The following MACROD2 variants were observed in gnomAD, a reference collection of about 807,000 sequenced individuals.
MACROD2 encodes the protein mono-ADP ribosylhydrolase 2, also known as ADP-ribose glycohydrolase MACROD2.
A neutral mutation model predicts 70.4 loss-of-function variants in MACROD2; 36 were observed. That is an observed-to-expected ratio of 0.51 (90% CI 0.39 to 0.68). The LOEUF (loss-of-function observed/expected upper bound fraction) is 0.68. MACROD2 is among the 30% of genes least tolerant of loss of function. The pLI is 0.00. For missense variants in MACROD2, 496 were observed against 538.4 expected, an observed-to-expected ratio of 0.92 and a Z score of 0.78; for synonymous variants, 172 against 178.8, an observed-to-expected ratio of 0.96 and a Z score of 0.30.
At chr20:15,450,749 C>T (rs2046629865) in intron 7 of MACROD2, among the ~76,000 whole-genome samples, 1 of 152,146 alleles carries the variant, frequency 6.6e-6, no homozygotes, top group African/African-American at 2.4e-5. Flanking sequence ...CTGTTCCACC[C>T]ATTCCCACCC....
At chr20:15,147,372 A>G (rs189760607) in intron 5 of MACROD2, among the ~76,000 whole-genome samples, 2 of 152,158 alleles carry the variant, frequency 1.3e-5, no homozygotes, top group East Asian at 3.9e-4. Context: ...AAATATGGGG[A>G]AACATTATTT....
chr20:14,720,852 A>G (rs916014618), intron 5 of MACROD2, among the ~76,000 whole-genome samples: 1 of 151,926 alleles, frequency 6.6e-6, no homozygotes, highest in Non-Finnish European at 1.5e-5. Flanking sequence ...GCTCCCGCCC[A>G]CAAAACTTCT....
chr20:14,186,995 G>A (rs2081350180), intron 3 of MACROD2, among the ~76,000 whole-genome samples: 1 of 152,074 alleles, frequency 6.6e-6, no homozygotes, highest in African/African-American at 2.4e-5. Context: ...AAAACTACCG[G>A]AAGGGTACTG....
At chr20:15,058,731 A>T (rs1254794703) in intron 5 of MACROD2, among the ~76,000 whole-genome samples, 2 of 152,228 alleles carry the variant, frequency 1.3e-5, no homozygotes, top group Non-Finnish European at 2.9e-5. Context: ...AGAGCAACTG[A>T]ATATGTTATA....
At chr20:14,727,314 T>C (rs1056041453) in intron 5 of MACROD2, among the ~76,000 whole-genome samples, 1 of 152,094 alleles carries the variant, frequency 6.6e-6, no homozygotes, top group African/African-American at 2.4e-5. Context: ...ATTGATCACT[T>C]GAGCCCAGGA....
intron 5 of MACROD2, among the ~76,000 whole-genome samples, chr20:15,088,821 T>C (rs937927595): frequency 6.6e-5 from 10 of 151,908 alleles, no homozygotes; most frequent in Non-Finnish European, 8.8e-5. Context: ...CCATGCCAAA[T>C]TGCCAATTTT....
intron 8 of MACROD2, among the ~76,000 whole-genome samples, chr20:15,541,736 A>G (rs572645338): frequency 3.9e-5 from 6 of 152,352 alleles, no homozygotes; most frequent in Middle Eastern, 3.4e-3. Flanking sequence ...TGCCCAATAT[A>G]CATAGGACCT....
At chr20:14,378,628 G>C (rs1224231897) in intron 3 of MACROD2, among the ~76,000 whole-genome samples, 1 of 152,208 alleles carries the variant, frequency 6.6e-6, no homozygotes, top group Non-Finnish European at 1.5e-5. Flanking sequence ...GGTAATAAAA[G>C]AGAGTTGTAT....
intron 5 of MACROD2, among the ~76,000 whole-genome samples, chr20:15,110,725 C>G (rs779949231): frequency 3.3e-5 from 5 of 152,150 alleles, no homozygotes; most frequent in Non-Finnish European, 7.4e-5. Flanking sequence ...AGGGACTATG[C>G]GTGTCTCTGA....
intron 5 of MACROD2, among the ~76,000 whole-genome samples, chr20:14,881,819 A>G (rs989154336): frequency 1.3e-5 from 2 of 152,130 alleles, no homozygotes; most frequent in African/African-American, 4.8e-5. Context: ...GACCAGGGGA[A>G]GTTCCTGGAA....
At chr20:14,258,438 G>A (rs775801588) in intron 3 of MACROD2, among the ~76,000 whole-genome samples, 3 of 151,906 alleles carry the variant, frequency 2.0e-5, no homozygotes, top group Admixed American at 6.6e-5. Flanking sequence ...ATCTCATTGT[G>A]GTTTTAATTT....
intron 5 of MACROD2, among the ~76,000 whole-genome samples, chr20:15,045,443 G>C (rs1323675760): frequency 2.6e-5 from 4 of 152,150 alleles, no homozygotes; most frequent in East Asian, 1.9e-4. Context: ...TTTGAGGCCC[G>C]GGGGAGAAAG....
chr20:15,690,560 A>G (rs1236522634), intron 8 of MACROD2, among the ~76,000 whole-genome samples: 1 of 152,240 alleles, frequency 6.6e-6, no homozygotes, highest in African/African-American at 2.4e-5. Flanking sequence ...TTTGGAAGAC[A>G]TAGGCACATG....
At chr20:14,429,965 T>C (rs2083977085) in intron 3 of MACROD2, among the ~76,000 whole-genome samples, 2 of 152,196 alleles carry the variant, frequency 1.3e-5, no homozygotes, top group Admixed American at 1.3e-4. Flanking sequence ...CTTTTCTCGC[T>C]TTCCATTTTC....
chr20:15,376,983 T>C (rs1343913304), intron 6 of MACROD2, among the ~76,000 whole-genome samples: 1 of 152,134 alleles, frequency 6.6e-6, no homozygotes, highest in Non-Finnish European at 1.5e-5. Flanking sequence ...CTCCGCCTCC[T>C]GGGTTCACAT....
intron 7 of MACROD2, among the ~76,000 whole-genome samples, chr20:15,490,797 A>G (rs914752012): frequency 2.6e-5 from 4 of 152,204 alleles, no homozygotes; most frequent in Admixed American, 2.6e-4. Flanking sequence ...CAAGTGAATG[A>G]GAAACATATG....
chr20:15,145,731 T>A (rs897740037), intron 5 of MACROD2, among the ~76,000 whole-genome samples: 1 of 152,108 alleles, frequency 6.6e-6, no homozygotes, highest in Non-Finnish European at 1.5e-5. Context: ...TCTCTTTAAC[T>A]GATAAGAAAT....
intron 8 of MACROD2, among the ~76,000 whole-genome samples, chr20:15,633,324 A>C (rs1192067985): frequency 6.6e-6 from 1 of 152,358 alleles, no homozygotes; most frequent in African/African-American, 2.4e-5. Context: ...TGGACCTTAC[A>C]GTAAGCACTA....
intron 3 of MACROD2, among the ~76,000 whole-genome samples, chr20:14,107,529 T>C (rs558507561): frequency 1.3e-5 from 2 of 151,662 alleles, no homozygotes; most frequent in African/African-American, 2.4e-5. Context: ...GAGAAAGATA[T>C]CAATATTTCA....
Sources: gnomAD v4.1 joint callset for allele counts (sites outside exome capture counted in the v4.1 genomes callset) on GRCh38, gnomAD v4.1.1 for gene constraint, MANE v1.5 for transcripts, NCBI Gene and HGNC (gene_info 2026-07-23, HGNC 2026-07-21) for gene names.